TMCC1: variants seen among roughly 807,000 people sequenced by gnomAD.
TMCC1 encodes the protein transmembrane and coiled-coil domains protein 1.
TMCC1 carries 15 observed loss-of-function variants against 52.4 expected under a neutral mutation model. The ratio of observed to expected loss-of-function variants is 0.29; its 90% CI spans 0.19 to 0.44. TMCC1 has a LOEUF of 0.44. Ranked by LOEUF, TMCC1 falls within the 20% of genes least tolerant of loss-of-function variation. TMCC1 has a pLI of 1.00. For missense variants in TMCC1, 503 were observed against 806.0 expected, an observed-to-expected ratio of 0.62 and a Z score of 4.55; for synonymous variants, 279 against 301.9, an observed-to-expected ratio of 0.92 and a Z score of 0.79.
At chr3:129,853,023 T>C (rs1246947434) in intron 2 of TMCC1, among the ~76,000 whole-genome samples, 1 of 152,128 alleles carries the variant, frequency 6.6e-6, no homozygotes, top group South Asian at 2.1e-4. Flanking sequence ...ACAAGAAACA[T>C]GGGCAAGGAA....
At chr3:129,679,231 G>T (rs1259269291) in intron 4 of TMCC1, among the ~76,000 whole-genome samples, 3 of 152,194 alleles carry the variant, frequency 2.0e-5, no homozygotes, top group African/African-American at 7.2e-5. Context: ...CACCTGCACG[G>T]CTTGCTCCGT....
At chr3:129,855,785 A>C (rs943733079) in intron 2 of TMCC1, among the ~76,000 whole-genome samples, 1 of 152,220 alleles carries the variant, frequency 6.6e-6, no homozygotes, top group African/African-American at 2.4e-5. Context: ...GTGATGTTTC[A>C]AAAATTTTTC....
At chr3:129,763,984 T>C (rs2053872624) in intron 4 of TMCC1, among the ~76,000 whole-genome samples, 1 of 152,118 alleles carries the variant, frequency 6.6e-6, no homozygotes, top group Non-Finnish European at 1.5e-5. Flanking sequence ...ATATATGTAT[T>C]ATGTAATATG....
intron 3 of TMCC1, among the ~76,000 whole-genome samples, chr3:129,831,022 C>A (rs572077576): frequency 6.6e-5 from 10 of 152,132 alleles, no homozygotes; most frequent in South Asian, 6.2e-4. Context: ...GCAGCCTCTG[C>A]CTCCTGGGTT....
At chr3:129,769,082 A>C (rs1440397097) in intron 4 of TMCC1, among the ~76,000 whole-genome samples, 2 of 152,206 alleles carry the variant, frequency 1.3e-5, no homozygotes, top group East Asian at 3.8e-4. Context: ...GGAACTTTAT[A>C]ATTTCTTCTT....
intron 6 of TMCC1, among the ~76,000 whole-genome samples, chr3:129,653,059 G>T (rs778147929): frequency 6.6e-6 from 1 of 152,026 alleles, no homozygotes; most frequent in South Asian, 2.1e-4. Context: ...TATAGGAATC[G>T]ATTCACAACT....
intron 4 of TMCC1, among the ~76,000 whole-genome samples, chr3:129,773,467 G>A (rs1228334079): frequency 6.6e-6 from 1 of 152,112 alleles, no homozygotes; most frequent in Non-Finnish European, 1.5e-5. Flanking sequence ...TTCTCTGAAC[G>A]TACTTTGTTT....
chr3:129,680,170 AT>A (rs1175767576), intron 4 of TMCC1, among the ~76,000 whole-genome samples: 3 of 152,158 alleles, frequency 2.0e-5, no homozygotes, highest in Non-Finnish European at 4.4e-5. Context: ...GCCCAAAATT[AT>A]TTTTCTTCTT....
In TMCC1 at chr3:129,679,511, G is replaced by A. The variant is rs895788369; in HGVS notation, c.577-8247C>T. The stretch of plus-strand genomic sequence containing the variant: ...AGTAGAGATGGGGTTTCCCCATATT[G>A]GCCAGGATGGTCTTGAACTCCTGAC... On this transcript the variant is annotated intron_variant, in intron 4 of 6. Transcript: ENST00000393238. Among the ~76,000 whole-genome samples the A allele has an allele frequency of 2.6e-5, 4 of 151,942 alleles. 1 individual carries two copies. Among genetic ancestry groups the A allele is most frequent in the African/African-American group, 9.7e-5 (4 of 41,322 alleles).
intron 4 of TMCC1, among the ~76,000 whole-genome samples, chr3:129,677,880 T>C (rs2088595614): frequency 6.6e-6 from 1 of 152,228 alleles, no homozygotes; most frequent in Non-Finnish European, 1.5e-5. Flanking sequence ...GACTCAGATA[T>C]CCAACTACCT....
chr3:129,875,703 T>A (rs902128577), intron 2 of TMCC1, among the ~76,000 whole-genome samples: 2 of 152,076 alleles, frequency 1.3e-5, no homozygotes, highest in African/African-American at 4.8e-5. Context: ...ATATTTTTTT[T>A]AATAAACAAA....
chr3:129,853,980 C>A (rs2060031388), intron 2 of TMCC1, among the ~76,000 whole-genome samples: 1 of 152,136 alleles, frequency 6.6e-6, no homozygotes, highest in African/African-American at 2.4e-5. Context: ...TTTACCAGCA[C>A]AACTCTGTCT....
intron 4 of TMCC1, among the ~76,000 whole-genome samples, chr3:129,762,947 C>T (rs1274942990): frequency 2.0e-5 from 3 of 151,804 alleles, no homozygotes; most frequent in Non-Finnish European, 4.4e-5. Context: ...GCCTGTAATC[C>T]CAGCACTTTG....
At chr3:129,886,376 A>T (rs1192082743) in intron 1 of TMCC1, among the ~76,000 whole-genome samples, 1 of 152,238 alleles carries the variant, frequency 6.6e-6, no homozygotes, top group Non-Finnish European at 1.5e-5. Flanking sequence ...TTTATATGAT[A>T]ATAAACTTAT....
At chr3:129,889,302 A>G (rs796105854) in intron 1 of TMCC1, among the ~76,000 whole-genome samples, 114 of 152,282 alleles carry the variant, frequency 7.5e-4, no homozygotes, top group African/African-American at 2.7e-3. Flanking sequence ...CCTGACCAGT[A>G]ATGTTCAAAA....
At chr3:129,750,555 C>T (rs9798966) in intron 4 of TMCC1, among the ~76,000 whole-genome samples, 146,433 of 148,530 alleles carry the variant, frequency 0.99, 72,221 homozygotes, top group Non-Finnish European at 1. Flanking sequence ...GGCTATCCTA[C>T]GGAAATAGAT....
In TMCC1 at chr3:129,726,868, CAAAAAAAAAAAAAAAAA is replaced by C. The variant is rs550398948; in HGVS notation, c.577-55621_577-55605del. 1.2e-3 allele frequency among the ~76,000 whole-genome samples: 16 copies of C among 12,816 alleles called. 1 individual carries two copies. Among genetic ancestry groups the C allele is most frequent in the African/African-American group, 3.0e-3 (14 of 4,600 alleles). 8.4% of individuals were successfully genotyped at this position (12,816 alleles called of 152,430 possible). A position where few individuals can be genotyped will look rare whatever the true frequency, so the allele number is the denominator to read the frequency against. On this transcript the variant is annotated intron_variant, in intron 4 of 6. Transcript: ENST00000393238. ...TGGGTAACAGAGCAAGACTCTGTCT[CAAAAAAAAAAAAAAAAA>C]AAAAAAAAAAAAAGAACCACTGTTC... is the stretch of plus-strand genomic sequence containing the variant.
In TMCC1 at chr3:129,679,300, CTTAT is replaced by C. The variant is rs549064569; in HGVS notation, c.577-8040_577-8037del. On this transcript the variant is annotated intron_variant, in intron 4 of 6. Transcript: ENST00000393238. ...TAGCAGCGAGGACTTCTCTGACTGC[CTTAT>C]TTATTTATTTATTTATTTATTGATG... 1.4e-4 allele frequency among the ~76,000 whole-genome samples: 21 copies of C among 152,080 alleles called. 1 individual carries two copies. The South Asian group carries it at 2.9e-3, about 21-fold the overall frequency.
intron 4 of TMCC1, among the ~76,000 whole-genome samples, chr3:129,761,100 C>T (rs570576460): frequency 6.0e-5 from 9 of 150,068 alleles, no homozygotes; most frequent in African/African-American, 1.5e-4. Flanking sequence ...TCGAGGCGGG[C>T]GGATCACGAG....
Sources: gnomAD v4.1 joint callset for allele counts (sites outside exome capture counted in the v4.1 genomes callset) on GRCh38, gnomAD v4.1.1 for gene constraint, MANE v1.5 for transcripts, NCBI Gene and HGNC (gene_info 2026-07-23, HGNC 2026-07-21) for gene names.